MRPL35: variants seen among roughly 807,000 people sequenced by gnomAD.
MRPL35 encodes large ribosomal subunit protein bL35m.
Under a neutral mutation model 21.6 loss-of-function variants are expected in MRPL35, and 18 were observed. That is an observed-to-expected ratio of 0.83 (90% CI 0.58 to 1.24). The LOEUF is 1.24. Ranked by LOEUF, MRPL35 falls within the 50% of genes most tolerant of loss-of-function variation. MRPL35 has a pLI of 0.00. For synonymous variants in MRPL35, 87 were observed against 86.9 expected (o/e 1.00, Z -0.01); for missense variants, 223 against 223.2 (o/e 1.00, Z 0.01).
At chr2:86,206,442 C>G in intron 2 of MRPL35, 147 bp downstream of exon 2, 6 of 729,718 alleles carry the variant, frequency 8.2e-6, no homozygotes, top group Non-Finnish European at 1.1e-5. Flanking sequence ...AAGCAATTCT[C>G]CTGCCTCAGC....
At chr2:86,199,637 T>C (rs1371607392) in intron 1 of MRPL35, 104 bp downstream of exon 1, 1 of 1,406,850 alleles carries the variant, frequency 7.1e-7, no homozygotes, top group Non-Finnish European at 9.8e-7. Context: ...AAAAGGGTCA[T>C]TATTTAAGTT....
rs1673899100 is a variant in MRPL35 at position 86,211,361 on chromosome 2, C to T, written c.*693C>T. On this transcript the variant is annotated 3_prime_UTR_variant, in exon 4 of 4. Coordinates refer to ENST00000337109, the MANE Select transcript of MRPL35 (RefSeq NM_016622.4). Reference sequence around the variant, plus strand: ...AACTGGGCCAGACTACCTTTTTATACTAGGTCTGGTTGGGTCATTGTCTAG... The same window carrying T: ...AACTGGGCCAGACTACCTTTTTATATTAGGTCTGGTTGGGTCATTGTCTAG... 2 of 970,658 alleles carry T rather than the reference C, an allele frequency of 2.1e-6. No individual in the cohort carries two copies. Among genetic ancestry groups the T allele is most frequent in the South Asian group, 4.8e-5 (1 of 20,980 alleles). The allele number at this position is 970,658 out of a possible 1,614,324, so 60.1% of individuals were successfully genotyped here.
intron 3 of MRPL35, among the ~76,000 whole-genome samples, 175 bp from the exon 4 acceptor site, chr2:86,210,305 T>TC (rs200436196): frequency 6.3e-5 from 7 of 111,324 alleles, no homozygotes; most frequent in Admixed American, 1.9e-4. Context: ...TCCATCCCCC[T>TC]CCCCGCCACC....
At chr2:86,210,096 A>G (rs893957835) in intron 3 of MRPL35, among the ~76,000 whole-genome samples, 1 of 152,180 alleles carries the variant, frequency 6.6e-6, no homozygotes, top group African/African-American at 2.4e-5. Flanking sequence ...AAGATGTAAA[A>G]TAGAATAATA....
chr2:86,204,079 G>C (rs1462712773), intron 1 of MRPL35, among the ~76,000 whole-genome samples: 1 of 151,820 alleles, frequency 6.6e-6, no homozygotes, highest in Non-Finnish European at 1.5e-5. Context: ...CTTCCTCCCA[G>C]GTTCAAGTGA....
rs773724398 is a variant in MRPL35, at chr2:86,199,570, C to T, written c.43+37C>T. 3 of 1,612,758 alleles carry T rather than the reference C, an allele frequency of 1.9e-6. No homozygotes were observed. In the South Asian group the frequency reaches 3.3e-5, roughly 18 times the overall value. On this transcript the variant is annotated intron_variant, in intron 1 of 3. Coordinates refer to ENST00000337109, the MANE Select transcript of MRPL35 (RefSeq NM_016622.4). ...GCGACATACTCCATGCATGCCTTCA[C>T]AGAAGGGGAAACTGGTGCGGGATGG...
chr2:86,202,836 G>A (rs530281307), intron 1 of MRPL35, among the ~76,000 whole-genome samples: 12 of 151,560 alleles, frequency 7.9e-5, no homozygotes, highest in African/African-American at 2.9e-4. Context: ...GACTACAGGC[G>A]CGCGTCACTC....
At position 86,212,165 on chromosome 2, in the gene MRPL35, C is replaced by G; in HGVS notation, c.*1497C>G. 7.9e-7 allele frequency: 1 copy of G among 1,268,258 alleles called. No individual in the cohort carries two copies. Among genetic ancestry groups the G allele is most frequent in the Non-Finnish European group, 9.9e-7 (1 of 1,005,868 alleles). 78.6% of individuals were successfully genotyped at this position (1,268,258 alleles called of 1,614,324 possible). A position where few individuals can be genotyped will look rare whatever the true frequency, so the allele number is the denominator to read the frequency against. ...AGTTGGTAATAATAAGATGAAATTC[C>G]TCTGTTGTTAGTAAAATTATGAAAT... On this transcript the variant is annotated 3_prime_UTR_variant, in exon 4 of 4. Coordinates refer to ENST00000337109, the MANE Select transcript of MRPL35 (RefSeq NM_016622.4).
intron 2 of MRPL35, 72 bp from the exon 3 acceptor site, chr2:86,207,111 C>T (rs1673813022): frequency 7.1e-7 from 1 of 1,413,482 alleles, no homozygotes; most frequent in African/African-American, 1.5e-5. Context: ...ACTCATTTCT[C>T]AGTATAGATA....
At position 86,207,192 on chromosome 2, in the gene MRPL35, C is replaced by A; in HGVS notation, c.243C>A (p.Pro81=). 6.2e-7 allele frequency: 1 copy of A among 1,609,710 alleles called. No individual in the cohort carries two copies. Among genetic ancestry groups the A allele is most frequent in the East Asian group, 2.2e-5 (1 of 44,478 alleles). The change falls in exon 3 of 4, where the codon CCC becomes CCA. Residue 81 remains proline, a synonymous_variant. Transcript: ENST00000337109. ...TAAAATATATTTTTAGAATGGCCCCCGTGCTTCCAAGTGTCCTGAAGCTGC... is the reference window on the plus strand; with the variant it reads ...TAAAATATATTTTTAGAATGGCCCCAGTGCTTCCAAGTGTCCTGAAGCTGC... ...HTSVILNRMA[P]VLPSVLKLPV...
In MRPL35 at chr2:86,211,722, C is replaced by A; in HGVS notation, c.*1054C>A. 1 of 983,228 alleles carries A rather than the reference C, an allele frequency of 1.0e-6. No homozygotes were observed. The highest frequency in any genetic ancestry group is 1.2e-6 in the Non-Finnish European group (1 of 827,982). The allele number at this position is 983,228 out of a possible 1,614,324, so 60.9% of individuals were successfully genotyped here. A position where few individuals can be genotyped will look rare whatever the true frequency, so the allele number is the denominator to read the frequency against. ...TTGCTCTGTTGCCCAGGCTGGAGTGCAGTGGTGCAATCATAGCTCATTGAA... is the reference window on the plus strand; with the variant it reads ...TTGCTCTGTTGCCCAGGCTGGAGTGAAGTGGTGCAATCATAGCTCATTGAA... On this transcript the variant is annotated 3_prime_UTR_variant, in exon 4 of 4. Coordinates refer to ENST00000337109, the MANE Select transcript of MRPL35 (RefSeq NM_016622.4).
chr2:86,206,037 C>T, intron 1 of MRPL35, 69 bp from the exon 2 acceptor site: 4 of 1,325,912 alleles, frequency 3.0e-6, no homozygotes, highest in South Asian at 2.7e-5. Context: ...GGCAGTGATA[C>T]ATCTCTTAAT....
intron 1 of MRPL35, among the ~76,000 whole-genome samples, chr2:86,200,400 CAG>C (rs1019150041): frequency 6.6e-6 from 1 of 152,172 alleles, no homozygotes; most frequent in African/African-American, 2.4e-5. Flanking sequence ...CAGGTCAAAA[CAG>C]TGCACTACCA....
rs1479260470 is a variant in MRPL35, at chr2:86,213,366, C to T, written c.*2698C>T. On this transcript the variant is annotated 3_prime_UTR_variant, in exon 4 of 4. Transcript: ENST00000337109. The stretch of plus-strand genomic sequence containing the variant: ...CGAATGGATTTCCAGCCTTTTTTTC[C>T]CATCTGTTCCTGCTTTTAGTCCTCT... 4.0e-6 allele frequency: 5 copies of T among 1,246,958 alleles called. No homozygotes were observed. The highest frequency in any genetic ancestry group is 1.0e-6 in the Non-Finnish European group (1 of 996,316). The allele number at this position is 1,246,958 out of a possible 1,614,324, so 77.2% of individuals were successfully genotyped here.
chr2:86,202,474 A>G (rs1218154428), intron 1 of MRPL35, among the ~76,000 whole-genome samples: 2 of 152,212 alleles, frequency 1.3e-5, no homozygotes, highest in Admixed American at 1.3e-4. Flanking sequence ...TTTTTAACCA[A>G]GAGATACCAA....
chr2:86,199,959 A>T (rs1465058190), intron 1 of MRPL35, among the ~76,000 whole-genome samples: 1 of 152,200 alleles, frequency 6.6e-6, no homozygotes, highest in Non-Finnish European at 1.5e-5. Context: ...ATTAAATGAG[A>T]TAATGCACGT....
At chr2:86,202,239 A>T (rs569515285) in intron 1 of MRPL35, among the ~76,000 whole-genome samples, 1 of 151,976 alleles carries the variant, frequency 6.6e-6, no homozygotes, top group Non-Finnish European at 1.5e-5. Flanking sequence ...TCCCGTAACC[A>T]TTTTTTCTAA....
In MRPL35 at chr2:86,207,207, C is replaced by A. The variant is rs1196637413; in HGVS notation, c.258C>A (p.Val86=). 2.2e-5 allele frequency: 35 copies of A among 1,613,158 alleles called. No individual in the cohort carries two copies. The highest frequency in any genetic ancestry group is 3.0e-5 in the Non-Finnish European group (35 of 1,179,426). The change falls in exon 3 of 4, where the codon GTC becomes GTA. Residue 86 remains valine (V), a synonymous_variant. Transcript: ENST00000337109. ...GAATGGCCCCCGTGCTTCCAAGTGT[C>A]CTGAAGCTGCCAGTCAGATCTCTAA... ...LNRMAPVLPS[V]LKLPVRSLTY...
chr2:86,201,186 C>A (rs1311242114), intron 1 of MRPL35, among the ~76,000 whole-genome samples: 1 of 152,148 alleles, frequency 6.6e-6, no homozygotes, highest in Non-Finnish European at 1.5e-5. Context: ...CTCACCAACA[C>A]CTGATATTGA....
Sources: allele counts gnomAD v4.1 joint callset (sites outside exome capture counted in the v4.1 genomes callset), GRCh38; gene constraint gnomAD v4.1.1; transcripts MANE v1.5; gene names NCBI Gene and HGNC (gene_info 2026-07-23, HGNC 2026-07-21).